Variants in DYNC1I1 observed in about 807,000 individuals in gnomAD.
DYNC1I1 encodes the protein dynein cytoplasmic 1 intermediate chain 1.
DYNC1I1 carries 43 observed loss-of-function variants against 86.6 expected under a neutral mutation model. The ratio of observed to expected loss-of-function variants is 0.50; its 90% confidence interval spans 0.39 to 0.64. The LOEUF is 0.64. Ranked by LOEUF, DYNC1I1 falls within the 30% of genes least tolerant of loss-of-function variation. The pLI is 0.00. For synonymous variants in DYNC1I1, 262 were observed against 283.7 expected, an observed-to-expected ratio of 0.92 and a Z score of 0.77; for missense variants, 604 against 788.8, an observed-to-expected ratio of 0.77 and a Z score of 2.81.
At chr7:95,854,667 C>T (rs1009446996) in intron 5 of DYNC1I1, among the ~76,000 whole-genome samples, 2 of 152,068 alleles carry the variant, frequency 1.3e-5, no homozygotes, top group Admixed American at 6.6e-5. Context: ...TTGTGTTACT[C>T]GTGTTAAAAT....
intron 3 of DYNC1I1, among the ~76,000 whole-genome samples, chr7:95,813,000 GC>G (rs1794863343): frequency 6.6e-6 from 1 of 151,874 alleles, no homozygotes; most frequent in South Asian, 2.1e-4. Flanking sequence ...GGTGGACATG[GC>G]CTCAGAATCC....
intron 6 of DYNC1I1, among the ~76,000 whole-genome samples, chr7:95,871,764 G>T (rs530200738): frequency 6.6e-6 from 1 of 152,242 alleles, no homozygotes; most frequent in Non-Finnish European, 1.5e-5. Context: ...TGCAAGGAGA[G>T]CTTGGGAGCC....
chr7:96,027,321 T>G (rs2115956565), intron 10 of DYNC1I1, among the ~76,000 whole-genome samples: 1 of 152,296 alleles, frequency 6.6e-6, no homozygotes. Flanking sequence ...TAAATGCAAA[T>G]ATGAAAAGTA....
chr7:95,952,294 A>G (rs932812607), intron 6 of DYNC1I1, among the ~76,000 whole-genome samples: 1 of 152,062 alleles, frequency 6.6e-6, no homozygotes, highest in African/African-American at 2.4e-5. Flanking sequence ...GTCACTGTTA[A>G]TGCATTTATC....
intron 14 of DYNC1I1, among the ~76,000 whole-genome samples, chr7:96,052,165 G>A (rs1057373227): frequency 9.2e-5 from 14 of 152,176 alleles, no homozygotes; most frequent in African/African-American, 1.4e-4. Flanking sequence ...TTAAAAAGAT[G>A]TACATTGAAA....
At chr7:95,810,530 C>T (rs1794806064) in intron 3 of DYNC1I1, 24 bp downstream of exon 3, 3 of 1,593,816 alleles carry the variant, frequency 1.9e-6, no homozygotes, top group Non-Finnish European at 2.6e-6. Context: ...CTTCCTGTTA[C>T]TATTCCTCAA....
intron 15 of DYNC1I1, 80 bp downstream of exon 15, chr7:96,076,277 C>A: frequency 1.3e-6 from 2 of 1,551,210 alleles, no homozygotes; most frequent in Non-Finnish European, 1.7e-6. Context: ...CCCTCTTTCT[C>A]CAAAACGGCC....
chr7:95,899,830 T>C (rs1348120189), intron 6 of DYNC1I1, among the ~76,000 whole-genome samples: 1 of 152,240 alleles, frequency 6.6e-6, no homozygotes, highest in Non-Finnish European at 1.5e-5. Flanking sequence ...AATTCTTTTC[T>C]ATGAATATTC....
chr7:95,851,864 A>T (rs1053938858), intron 5 of DYNC1I1, among the ~76,000 whole-genome samples: 1 of 152,084 alleles, frequency 6.6e-6, no homozygotes, highest in Non-Finnish European at 1.5e-5. Flanking sequence ...GGGTTTCTCC[A>T]TGTTGGTCTT....
At chr7:95,937,769 T>C (rs1792087140) in intron 6 of DYNC1I1, among the ~76,000 whole-genome samples, 1 of 152,014 alleles carries the variant, frequency 6.6e-6, no homozygotes, top group Non-Finnish European at 1.5e-5. Flanking sequence ...CTTTACCTTT[T>C]CCTATTACAA....
rs575954480 is a variant in DYNC1I1, at chr7:95,940,075, A to G, written c.491-37437A>G. 1.8e-4 allele frequency among the ~76,000 whole-genome samples: 27 copies of G among 152,318 alleles called. No homozygotes were observed. The East Asian group carries it at 3.5e-3, about 20-fold the overall frequency. ...TTTATGAAGCTTAGTTTGGCTGGAT[A>G]TGAAATTCTGGGTTGAAAATTCTTT... On this transcript the variant is annotated intron_variant, in intron 6 of 16. Transcript: ENST00000447467.
chr7:96,065,344 C>T (rs1554441664), intron 14 of DYNC1I1, among the ~76,000 whole-genome samples: 2 of 151,500 alleles, frequency 1.3e-5, no homozygotes, highest in East Asian at 1.9e-4. Flanking sequence ...CCTTCTTCTC[C>T]ATCCTCCCCA....
chr7:96,009,379 C>G (rs1345949938), intron 10 of DYNC1I1, among the ~76,000 whole-genome samples: 1 of 152,206 alleles, frequency 6.6e-6, no homozygotes, highest in African/African-American at 2.4e-5. Context: ...GAGCAAGCTC[C>G]ACCACTAGGT....
intron 6 of DYNC1I1, among the ~76,000 whole-genome samples, chr7:95,937,759 C>T (rs1792086683): frequency 6.6e-6 from 1 of 151,928 alleles, no homozygotes; most frequent in Non-Finnish European, 1.5e-5. Flanking sequence ...TATTATTATA[C>T]TTTACCTTTT....
chr7:95,962,033 A>T (rs888916681), intron 6 of DYNC1I1, among the ~76,000 whole-genome samples: 10 of 152,190 alleles, frequency 6.6e-5, no homozygotes, highest in African/African-American at 2.4e-4. Context: ...GGGGCCAGAC[A>T]TTGGTCTGAG....
chr7:95,835,448 G>A (rs1346543981), intron 5 of DYNC1I1, among the ~76,000 whole-genome samples: 1 of 151,000 alleles, frequency 6.6e-6, no homozygotes, highest in Non-Finnish European at 1.5e-5. Flanking sequence ...TGTATATGCT[G>A]TTGATTTGAG....
chr7:96,107,179 A>G (rs1009470775), intron 16 of DYNC1I1, among the ~76,000 whole-genome samples: 2 of 151,980 alleles, frequency 1.3e-5, no homozygotes, highest in Non-Finnish European at 2.9e-5. Context: ...GGTGCCCACC[A>G]CCATACCTGG....
At chr7:96,089,090 GAACATA>G (rs770062810) in intron 16 of DYNC1I1, among the ~76,000 whole-genome samples, 3 of 150,618 alleles carry the variant, frequency 2.0e-5, no homozygotes, top group Non-Finnish European at 3.0e-5. Context: ...GATAGAAAGT[GAACATA>G]AACTAATATT....
At chr7:95,987,691 G>A (rs751257212) in intron 9 of DYNC1I1, among the ~76,000 whole-genome samples, 3 of 152,032 alleles carry the variant, frequency 2.0e-5, no homozygotes, top group South Asian at 2.1e-4. Context: ...ATTCAACCAC[G>A]AACAGCCTAT....
Sources: gnomAD v4.1 joint callset for allele counts (sites outside exome capture counted in the v4.1 genomes callset) on GRCh38, gnomAD v4.1.1 for gene constraint, MANE v1.5 for transcripts, NCBI Gene and HGNC (gene_info 2026-07-23, HGNC 2026-07-21) for gene names.